Variants in THSD7B observed in about 807,000 individuals in gnomAD.
THSD7B encodes thrombospondin type 1 domain containing 7B, also known as thrombospondin type-1 domain-containing protein 7B.
In THSD7B, 138 loss-of-function variants were observed where a neutral mutation model predicts 213.6. The observed-to-expected ratio is 0.65, with a 90% confidence interval of 0.56 to 0.74. The LOEUF is 0.74. Among genes scored for constraint, THSD7B ranks in the 30% least tolerant of loss-of-function variants. The probability of loss-of-function intolerance (pLI) is 0.00; values close to 1 mark genes in which losing one functional copy is unlikely to be tolerated. For missense variants in THSD7B, 1,931 were observed against 1,991.5 expected (o/e 0.97, Z 0.58); for synonymous variants, 742 against 687.0 (o/e 1.08, Z -1.25).
At chr2:137,575,838 C>T (rs1351217935) in intron 17 of THSD7B, among the ~76,000 whole-genome samples, 1 of 151,760 alleles carries the variant, frequency 6.6e-6, no homozygotes, top group Admixed American at 6.6e-5. Context: ...AGTGTTTACT[C>T]TTTAAAAGTA....
At chr2:137,301,515 C>A (rs58686993) in intron 12 of THSD7B, among the ~76,000 whole-genome samples, 9,349 of 151,900 alleles carry the variant, frequency 0.062, 535 homozygotes, top group African/African-American at 0.14. Flanking sequence ...ATGGAGAAAA[C>A]TGAATCAGGA....
At chr2:137,195,501 T>C (rs1458093520) in intron 7 of THSD7B, among the ~76,000 whole-genome samples, 1 of 151,892 alleles carries the variant, frequency 6.6e-6, no homozygotes, top group Non-Finnish European at 1.5e-5. Context: ...AGTAAGAAAA[T>C]ATTTAAATGG....
intron 10 of THSD7B, among the ~76,000 whole-genome samples, chr2:137,252,460 C>A (rs1682206794): frequency 6.6e-6 from 1 of 151,984 alleles, no homozygotes; most frequent in East Asian, 1.9e-4. Flanking sequence ...AGCCACCAGG[C>A]CTGGCCCTTT....
intron 2 of THSD7B, among the ~76,000 whole-genome samples, chr2:137,033,830 G>A (rs1686721363): frequency 6.6e-6 from 1 of 151,842 alleles, no homozygotes; most frequent in Non-Finnish European, 1.5e-5. Context: ...TAGGGTACAT[G>A]TGCATAATGT....
rs192142493 is a variant in THSD7B, at chr2:137,332,085, A to G, written c.2500+56059A>G. Among the ~76,000 whole-genome samples, 1,462 of 152,188 alleles carry G rather than the reference A, an allele frequency of 9.6e-3. 28 individuals carry two copies. Among genetic ancestry groups the G allele is most frequent in the African/African-American group, 0.034 (1,415 of 41,552 alleles). ...GCAGCAGTGGGCTGAAGGGCTCCTC[A>G]AGTGCCGCCAAAGTGGAAGCCCAGG... On this transcript the variant is annotated intron_variant, in intron 12 of 27. Coordinates refer to ENST00000409968, the MANE Select transcript of THSD7B (RefSeq NM_001316349.2).
chr2:136,828,863 G>A (rs1345068343), intron 1 of THSD7B, among the ~76,000 whole-genome samples: 1 of 152,010 alleles, frequency 6.6e-6, no homozygotes, highest in South Asian at 2.1e-4. Context: ...TAGCAACATG[G>A]TCTTCTCCTG....
chr2:137,023,042 G>A (rs1219899191), intron 2 of THSD7B, among the ~76,000 whole-genome samples: 1 of 152,086 alleles, frequency 6.6e-6, no homozygotes, highest in African/African-American at 2.4e-5. Context: ...TTATAAGAAT[G>A]GCTCTATCAA....
chr2:137,097,037 G>T (rs1459500554), intron 4 of THSD7B, among the ~76,000 whole-genome samples: 1 of 152,048 alleles, frequency 6.6e-6, no homozygotes, highest in Non-Finnish European at 1.5e-5. Context: ...CTAGATAATT[G>T]GGAAATCTTA....
chr2:137,315,462 C>T (rs1034622448), intron 12 of THSD7B, among the ~76,000 whole-genome samples: 2 of 152,126 alleles, frequency 1.3e-5, no homozygotes, highest in Non-Finnish European at 1.5e-5. Flanking sequence ...AGAAATCACC[C>T]GTCTTCTGCG....
rs1365025892 is a variant in THSD7B, at chr2:137,056,140, T to C, written c.140-280T>C. ...GTATCATTTATCTTCAGAGCAATTCTACAAGTCGGTGCTTTTATTATCTTC... is the reference window on the plus strand; with the variant it reads ...GTATCATTTATCTTCAGAGCAATTCCACAAGTCGGTGCTTTTATTATCTTC... On this transcript the variant is annotated intron_variant, in intron 2 of 27. Transcript: ENST00000409968. 2.0e-5 allele frequency among the ~76,000 whole-genome samples: 3 copies of C among 152,220 alleles called. No individual in the cohort carries two copies. In the East Asian group the frequency reaches 5.8e-4, roughly 29 times the overall value.
chr2:137,016,015 A>AC (rs1686333132), intron 2 of THSD7B, among the ~76,000 whole-genome samples: 1 of 152,206 alleles, frequency 6.6e-6, no homozygotes, highest in Non-Finnish European at 1.5e-5. Context: ...TTGCATAATA[A>AC]AAGAGTCTGC....
intron 4 of THSD7B, among the ~76,000 whole-genome samples, chr2:137,097,480 A>T (rs1437115464): frequency 1.3e-5 from 2 of 152,176 alleles, no homozygotes; most frequent in Non-Finnish European, 2.9e-5. Flanking sequence ...AAATTTACTC[A>T]ACTCTGAAGC....
intron 16 of THSD7B, among the ~76,000 whole-genome samples, chr2:137,570,191 C>G (rs1443103536): frequency 6.6e-6 from 1 of 151,902 alleles, no homozygotes; most frequent in Non-Finnish European, 1.5e-5. Context: ...CTCTTTTATA[C>G]TATCTAACTT....
At chr2:136,819,175 C>T (rs1338664943) in intron 1 of THSD7B, among the ~76,000 whole-genome samples, 1 of 151,942 alleles carries the variant, frequency 6.6e-6, no homozygotes, top group African/African-American at 2.4e-5. Context: ...ACAAAGAAGC[C>T]CATGGTCAAA....
chr2:137,453,308 G>A lies in THSD7B; in HGVS notation c.3138+2285G>A, dbSNP rs563280682. On this transcript the variant is annotated intron_variant, in intron 15 of 27. Transcript: ENST00000409968. ...ACCTCAAATACTTTTTTTCTCTGCT[G>A]AGAACATTTGAAATTTACTTTTTTT... Among the ~76,000 whole-genome samples the A allele has an allele frequency of 4.8e-4, 70 of 146,946 alleles. 2 individuals are homozygous for A. The South Asian group carries it at 0.015, about 32-fold the overall frequency.
At chr2:137,366,242 G>A (rs1311976397) in intron 12 of THSD7B, among the ~76,000 whole-genome samples, 1 of 152,116 alleles carries the variant, frequency 6.6e-6, no homozygotes, top group South Asian at 2.1e-4. Context: ...AGCCTGTCAT[G>A]GGGTGGGGGG....
intron 7 of THSD7B, among the ~76,000 whole-genome samples, chr2:137,171,672 C>T (rs1680255367): frequency 6.6e-6 from 1 of 152,152 alleles, no homozygotes; most frequent in South Asian, 2.1e-4. Flanking sequence ...TGAGAAGCCC[C>T]ACTTATAATG....
intron 14 of THSD7B, among the ~76,000 whole-genome samples, chr2:137,425,317 A>G (rs973555721): frequency 6.6e-6 from 1 of 151,824 alleles, no homozygotes; most frequent in Non-Finnish European, 1.5e-5. Context: ...CGCAGGTTCA[A>G]GTGATTCTCC....
chr2:137,174,947 A>G (rs566150689), intron 7 of THSD7B, among the ~76,000 whole-genome samples: 2 of 152,338 alleles, frequency 1.3e-5, no homozygotes, highest in Admixed American at 1.3e-4. Flanking sequence ...TAGAATATCA[A>G]ATTTACTCAC....
Sources: gnomAD v4.1 joint callset for allele counts (sites outside exome capture counted in the v4.1 genomes callset) on GRCh38, gnomAD v4.1.1 for gene constraint, MANE v1.5 for transcripts, NCBI Gene and HGNC (gene_info 2026-07-23, HGNC 2026-07-21) for gene names.